Variants in ZNF423 observed in about 807,000 individuals in gnomAD.
The protein encoded by ZNF423 is Ebf-associated zinc finger protein.
A neutral mutation model predicts 95.8 loss-of-function variants in ZNF423; 12 were observed. The ratio of observed to expected loss-of-function variants is 0.13; its 90% CI spans 0.08 to 0.20. ZNF423 has a LOEUF of 0.20. Ranked by LOEUF, ZNF423 falls within the 10% of genes least tolerant of loss-of-function variation. ZNF423 has a pLI of 1.00. For synonymous variants in ZNF423, 749 were observed against 711.9 expected (o/e 1.05, Z -0.83); for missense variants, 1,316 against 1,737.1 (o/e 0.76, Z 4.31).
chr16:49,737,674 C>A (rs971020122), intron 2 of ZNF423, among the ~76,000 whole-genome samples: 2 of 152,174 alleles, frequency 1.3e-5, no homozygotes, highest in African/African-American at 4.8e-5. Context: ...GGGAGAGGCC[C>A]CAGGGGACCA....
intron 5 of ZNF423, among the ~76,000 whole-genome samples, chr16:49,610,889 G>T (rs947599021): frequency 6.6e-6 from 1 of 151,908 alleles, no homozygotes; most frequent in Non-Finnish European, 1.5e-5. Context: ...TATAATGAAG[G>T]CTTCAGAACA....
chr16:49,535,795 C>T (rs188482418), intron 5 of ZNF423, among the ~76,000 whole-genome samples: 1 of 152,166 alleles, frequency 6.6e-6, no homozygotes, highest in Non-Finnish European at 1.5e-5. Context: ...GTAGCTTATT[C>T]TTTCTTAACT....
At chr16:49,815,897 TA>T (rs2034839902) in intron 1 of ZNF423, among the ~76,000 whole-genome samples, 2 of 47,050 alleles carry the variant, frequency 4.3e-5, no homozygotes, top group East Asian at 5.7e-4. Context: ...TATATATATA[TA>T]TATATATATA....
intron 2 of ZNF423, among the ~76,000 whole-genome samples, chr16:49,785,735 A>T (rs980573813): frequency 3.3e-5 from 5 of 152,218 alleles, no homozygotes; most frequent in African/African-American, 4.8e-5. Flanking sequence ...CGGCCCCCTC[A>T]CGTATCAGCC....
chr16:49,829,667 G>C (rs1245625698), intron 1 of ZNF423, among the ~76,000 whole-genome samples: 1 of 152,098 alleles, frequency 6.6e-6, no homozygotes, highest in African/African-American at 2.4e-5. Context: ...CCTACCTCCA[G>C]ATTGGATTTT....
rs747069818 is a variant in ZNF423 at position 49,554,909 on chromosome 16, AG to A, written c.3602-29416del. On this transcript the variant is annotated intron_variant, in intron 5 of 7. Transcript: ENST00000563137. Reference sequence around the variant, plus strand: ...TACACAGCTGGTGCTCGACACATGTAGCTTGAAGAAATCTGTAAGAACAATC... The same window carrying A: ...TACACAGCTGGTGCTCGACACATGTACTTGAAGAAATCTGTAAGAACAATC... 1.2e-4 allele frequency among the ~76,000 whole-genome samples: 19 copies of A among 152,172 alleles called. No homozygotes were observed. The South Asian group carries it at 2.1e-3, about 17-fold the overall frequency.
At chr16:49,626,144 A>G (rs1384534832) in intron 5 of ZNF423, 26 bp downstream of exon 5, 7 of 1,608,364 alleles carry the variant, frequency 4.4e-6, no homozygotes, top group Non-Finnish European at 6.0e-6. Flanking sequence ...TAGCTCCAGC[A>G]TGGCTGGGAG....
At chr16:49,515,737 A>C (rs1056421901) in intron 7 of ZNF423, among the ~76,000 whole-genome samples, 2 of 152,202 alleles carry the variant, frequency 1.3e-5, no homozygotes, top group African/African-American at 2.4e-5. Context: ...GGTAAGCCGC[A>C]TATGACCCTC....
intron 1 of ZNF423, among the ~76,000 whole-genome samples, chr16:49,798,212 A>G (rs1311357211): frequency 2.6e-5 from 4 of 152,134 alleles, no homozygotes; most frequent in Non-Finnish European, 5.9e-5. Context: ...CCTATCTGTT[A>G]AAAGAAGAAA....
intron 2 of ZNF423, chr16:49,731,297 C>A (rs941355636): frequency 3.0e-6 from 3 of 985,040 alleles, no homozygotes; most frequent in Non-Finnish European, 3.6e-6. Flanking sequence ...CAGTTACACA[C>A]CTTTTTAAAG....
At chr16:49,594,902 A>C (rs1971134400) in intron 5 of ZNF423, among the ~76,000 whole-genome samples, 1 of 152,230 alleles carries the variant, frequency 6.6e-6, no homozygotes, top group Non-Finnish European at 1.5e-5. Flanking sequence ...TTGGGAGAGC[A>C]AGAGGGCGGA....
intron 2 of ZNF423, among the ~76,000 whole-genome samples, chr16:49,783,913 T>A (rs2034265456): frequency 6.9e-6 from 1 of 145,540 alleles, no homozygotes; most frequent in East Asian, 2.0e-4. Context: ...GAGGTTGCAG[T>A]GAGCCAAGAT....
At chr16:49,700,207 A>AT (rs1450636725) in intron 3 of ZNF423, among the ~76,000 whole-genome samples, 1 of 133,798 alleles carries the variant, frequency 7.5e-6, no homozygotes, top group Admixed American at 7.3e-5. Flanking sequence ...AAAAAAAAAA[A>AT]AAAAAAAAAA....
chr16:49,722,843 C>G (rs1391233007), intron 3 of ZNF423, among the ~76,000 whole-genome samples: 1 of 152,106 alleles, frequency 6.6e-6, no homozygotes, highest in Non-Finnish European at 1.5e-5. Flanking sequence ...CACAACCTGA[C>G]CAGTGAGATG....
intron 3 of ZNF423, among the ~76,000 whole-genome samples, chr16:49,719,274 C>G (rs568206085): frequency 6.6e-6 from 1 of 152,318 alleles, no homozygotes; most frequent in African/African-American, 2.4e-5. Flanking sequence ...AAAGGAAGAG[C>G]AGCTCCACGT....
intron 3 of ZNF423, chr16:49,663,974 C>T (rs930334670): frequency 3.4e-5 from 24 of 703,240 alleles, no homozygotes; most frequent in South Asian, 6.3e-5. Flanking sequence ...CACTCCCCAA[C>T]GCGCCGGGAG....
chr16:49,824,914 G>A (rs1479718188), intron 1 of ZNF423, among the ~76,000 whole-genome samples: 10 of 152,162 alleles, frequency 6.6e-5, no homozygotes, highest in Admixed American at 2.6e-4. Flanking sequence ...AAAGAAACTC[G>A]TGGGCTGGTT....
chr16:49,596,436 C>G (rs148004802), intron 5 of ZNF423, among the ~76,000 whole-genome samples: 1 of 152,224 alleles, frequency 6.6e-6, no homozygotes, highest in African/African-American at 2.4e-5. Context: ...TCTCGAAGGC[C>G]TCAGCCCTTA....
At chr16:49,532,987 G>A (rs1031294475) in intron 5 of ZNF423, among the ~76,000 whole-genome samples, 15 of 152,272 alleles carry the variant, frequency 9.9e-5, no homozygotes, top group Admixed American at 7.2e-4. Flanking sequence ...GCATGGGCAC[G>A]TGGGTGTGGG....
Sources: allele counts gnomAD v4.1 joint callset (sites outside exome capture counted in the v4.1 genomes callset), GRCh38; gene constraint gnomAD v4.1.1; transcripts MANE v1.5; gene names NCBI Gene and HGNC (gene_info 2026-07-23, HGNC 2026-07-21).